HS3ST4: variants seen among roughly 807,000 people sequenced by gnomAD.
HS3ST4 encodes heparan sulfate glucosamine 3-O-sulfotransferase 4.
Under a neutral mutation model 29.2 loss-of-function variants are expected in HS3ST4, and 17 were observed. The ratio of observed to expected loss-of-function variants is 0.58; its 90% CI spans 0.40 to 0.87. HS3ST4 has a LOEUF of 0.87. Ranked by LOEUF, HS3ST4 falls within the 40% of genes least tolerant of loss-of-function variation. The pLI is 0.00. For missense variants in HS3ST4, 627 were observed against 634.5 expected (o/e 0.99, Z 0.13); for synonymous variants, 314 against 285.7 (o/e 1.10, Z -1.00).
At chr16:25,845,647 G>GTAATAATAA (rs60639924) in intron 1 of HS3ST4, among the ~76,000 whole-genome samples, 6,021 of 143,244 alleles carry the variant, frequency 0.042, 204 homozygotes, top group African/African-American at 0.096. Context: ...GGAATAGCAT[G>GTAATAATAA]TAATAATAAT....
chr16:25,913,216 C>T (rs1217340770), intron 1 of HS3ST4, among the ~76,000 whole-genome samples: 1 of 152,196 alleles, frequency 6.6e-6, no homozygotes, highest in Non-Finnish European at 1.5e-5. Context: ...AATGCTGTGG[C>T]TGAATGTTTG....
chr16:25,809,515 A>G (rs1272758148), intron 1 of HS3ST4, among the ~76,000 whole-genome samples: 1 of 152,166 alleles, frequency 6.6e-6, no homozygotes, highest in Non-Finnish European at 1.5e-5. Flanking sequence ...TTGTAACTAG[A>G]TAATAAAATG....
intron 1 of HS3ST4, among the ~76,000 whole-genome samples, chr16:25,963,119 G>C (rs1279149850): frequency 6.6e-6 from 1 of 152,182 alleles, no homozygotes; most frequent in Non-Finnish European, 1.5e-5. Context: ...TTGAGCAAAT[G>C]TAGAATCACT....
At chr16:25,832,937 G>T (rs1967319498) in intron 1 of HS3ST4, among the ~76,000 whole-genome samples, 1 of 152,186 alleles carries the variant, frequency 6.6e-6, no homozygotes, top group Admixed American at 6.5e-5. Flanking sequence ...GGGTCTGGCT[G>T]GTTGTAGAAA....
intron 1 of HS3ST4, among the ~76,000 whole-genome samples, chr16:25,972,275 G>T (rs551405457): frequency 6.6e-6 from 1 of 152,338 alleles, no homozygotes; most frequent in South Asian, 2.1e-4. Context: ...CACAGCTACT[G>T]CTGTGTAACA....
chr16:25,792,660 G>C (rs1252013786), intron 1 of HS3ST4, among the ~76,000 whole-genome samples: 1 of 151,730 alleles, frequency 6.6e-6, no homozygotes, highest in East Asian at 1.9e-4. Flanking sequence ...TCTGATTCTT[G>C]ATATTGTAAT....
At chr16:25,903,377 A>G (rs1045982465) in intron 1 of HS3ST4, among the ~76,000 whole-genome samples, 7 of 145,892 alleles carry the variant, frequency 4.8e-5, no homozygotes, top group Admixed American at 4.2e-4. Context: ...ATATATATAT[A>G]TATATAAAAT....
intron 1 of HS3ST4, among the ~76,000 whole-genome samples, chr16:26,056,176 C>A (rs1214966990): frequency 6.6e-6 from 1 of 152,094 alleles, no homozygotes; most frequent in East Asian, 1.9e-4. Context: ...CCTAACAAGG[C>A]AAGGGCTAAA....
At chr16:25,757,783 G>C (rs1966766389) in intron 1 of HS3ST4, among the ~76,000 whole-genome samples, 1 of 151,884 alleles carries the variant, frequency 6.6e-6, no homozygotes, top group South Asian at 2.1e-4. Context: ...ATCTCGTCGG[G>C]TGGGGCTTTT....
At chr16:25,867,788 T>C (rs9989408) in intron 1 of HS3ST4, among the ~76,000 whole-genome samples, 40,721 of 152,052 alleles carry the variant, frequency 0.27, 5,989 homozygotes, top group East Asian at 0.45. Flanking sequence ...AATGGGATTC[T>C]AGCTAAGAAT....
chr16:25,856,611 A>G (rs1967576256), intron 1 of HS3ST4, among the ~76,000 whole-genome samples: 1 of 152,196 alleles, frequency 6.6e-6, no homozygotes, highest in African/African-American at 2.4e-5. Flanking sequence ...CTTGGGCCAT[A>G]CATAAAATAC....
intron 1 of HS3ST4, among the ~76,000 whole-genome samples, chr16:25,999,770 ATT>A (rs1200728319): frequency 1.4e-5 from 2 of 139,000 alleles, no homozygotes; most frequent in East Asian, 2.0e-4. Flanking sequence ...TTATATATAT[ATT>A]TATATATATT....
At chr16:25,991,613 A>G (rs2141728556) in intron 1 of HS3ST4, among the ~76,000 whole-genome samples, 1 of 152,380 alleles carries the variant, frequency 6.6e-6, no homozygotes, top group Admixed American at 6.5e-5. Flanking sequence ...ATTAATATTT[A>G]TGGAGCACCA....
chr16:25,753,713 T>C (rs550049481), intron 1 of HS3ST4, among the ~76,000 whole-genome samples: 2 of 152,208 alleles, frequency 1.3e-5, no homozygotes, highest in African/African-American at 2.4e-5. Context: ...TTCCTGCATC[T>C]TAATAAGGAA....
At chr16:25,816,556 G>A (rs1967094091) in intron 1 of HS3ST4, among the ~76,000 whole-genome samples, 1 of 152,198 alleles carries the variant, frequency 6.6e-6, no homozygotes, top group Admixed American at 6.5e-5. Flanking sequence ...CTCTATTTAT[G>A]ATTCCAAGAG....
intron 1 of HS3ST4, among the ~76,000 whole-genome samples, chr16:26,096,179 G>A (rs1307831527): frequency 6.6e-6 from 1 of 152,156 alleles, no homozygotes. Context: ...AGAGGAGCTG[G>A]TACCATTCCT....
chr16:25,879,513 T>A (rs1410323722), intron 1 of HS3ST4, among the ~76,000 whole-genome samples: 1 of 151,932 alleles, frequency 6.6e-6, no homozygotes, highest in Non-Finnish European at 1.5e-5. Context: ...TTTAAAACCA[T>A]CAGATCTCCT....
chr16:25,731,215 G>A lies in HS3ST4; in HGVS notation c.734+38064G>A, dbSNP rs532559966. ...CAGTCTTCAGCCTCCTGCCATTGGAGGTCAGATTGAAATGTCATGGCCCAG... is the reference window on the plus strand; with the variant it reads ...CAGTCTTCAGCCTCCTGCCATTGGAAGTCAGATTGAAATGTCATGGCCCAG... On this transcript the variant is annotated intron_variant, in intron 1 of 1. Coordinates refer to ENST00000331351, the MANE Select transcript of HS3ST4 (RefSeq NM_006040.3). Among the ~76,000 whole-genome samples, 283 of 152,304 alleles carry A rather than the reference G, an allele frequency of 1.9e-3. 2 individuals carry two copies. The highest frequency in any genetic ancestry group is 6.6e-3 in the African/African-American group (275 of 41,572).
chr16:25,823,657 T>G (rs950921847), intron 1 of HS3ST4, among the ~76,000 whole-genome samples: 1 of 152,112 alleles, frequency 6.6e-6, no homozygotes, highest in African/African-American at 2.4e-5. Flanking sequence ...ACCTCCCAGG[T>G]TCAAGCGATT....
Sources: gnomAD v4.1 joint callset for allele counts (sites outside exome capture counted in the v4.1 genomes callset) on GRCh38, gnomAD v4.1.1 for gene constraint, MANE v1.5 for transcripts, NCBI Gene and HGNC (gene_info 2026-07-23, HGNC 2026-07-21) for gene names.